RTTN: variants seen among roughly 807,000 people sequenced by gnomAD.
RTTN encodes the protein rotatin.
Under a neutral mutation model 269.2 loss-of-function variants are expected in RTTN, and 182 were observed. The ratio of observed to expected loss-of-function variants is 0.68; its 90% CI spans 0.60 to 0.76. The LOEUF is 0.76. Among genes scored for constraint, RTTN ranks in the 30% least tolerant of loss-of-function variants. The pLI is 0.00. For missense variants in RTTN, 2,545 were observed against 2,608.6 expected (o/e 0.98, Z 0.53); for synonymous variants, 1,006 against 963.5 (o/e 1.04, Z -0.82).
intron 44 of RTTN, 76 bp from the exon 45 acceptor site, chr18:70,020,893 A>C: frequency 8.2e-7 from 1 of 1,214,516 alleles, no homozygotes; most frequent in Non-Finnish European, 1.2e-6. Context: ...GTGGCAAAGC[A>C]TATCTGTCTA....
At chr18:70,073,566 G>C (rs1327152922) in intron 34 of RTTN, among the ~76,000 whole-genome samples, 3 of 152,134 alleles carry the variant, frequency 2.0e-5, no homozygotes, top group Non-Finnish European at 2.9e-5. Context: ...AGGTAGGAAA[G>C]AGAGGTTGAA....
chr18:70,163,796 G>A (rs141706701), intron 14 of RTTN, among the ~76,000 whole-genome samples: 142 of 152,254 alleles, frequency 9.3e-4, no homozygotes, highest in Non-Finnish European at 1.7e-3. Context: ...TTCGGCACTC[G>A]AAAAGTGTCA....
rs1438548524 is a variant in RTTN, at chr18:70,139,672, C to A, written c.2715G>T (p.Lys905Asn). The change falls in exon 21 of 49, where the codon AAG (lysine) becomes AAT (asparagine). Residue 905 changes from lysine to asparagine, a missense_variant. Physicochemically the swap from Lys to Asn is moderately conservative, Grantham distance 94 (BLOSUM62 0). Transcript: ENST00000640769. ...GCATGACTGGATCACCACATAAAACCTTCCTCAAGAGTGTGAGGCATGGTT... is the reference window on the plus strand; with the variant it reads ...GCATGACTGGATCACCACATAAAACATTCCTCAAGAGTGTGAGGCATGGTT... ...LVQPCLTLLR[K>N]VLCGDPVMRV... 1 of 1,613,320 alleles carries A rather than the reference C, an allele frequency of 6.2e-7. No individual in the cohort carries two copies. Among genetic ancestry groups the A allele is most frequent in the African/African-American group, 1.3e-5 (1 of 74,888 alleles).
At chr18:70,006,209 T>C (rs2056180752) in intron 47 of RTTN, 172 bp downstream of exon 47, 1 of 523,164 alleles carries the variant, frequency 1.9e-6, no homozygotes, top group South Asian at 3.4e-5. Flanking sequence ...TAAAAAGATT[T>C]CAACTGATGG....
chr18:70,012,935 G>C (rs1002351318), intron 46 of RTTN, among the ~76,000 whole-genome samples: 7 of 152,060 alleles, frequency 4.6e-5, no homozygotes, highest in African/African-American at 7.2e-5. Context: ...TTATTTTAAG[G>C]GATTTTAAAT....
intron 11 of RTTN, among the ~76,000 whole-genome samples, chr18:70,176,184 C>CGTAGATGTAGAT (rs149336764): frequency 5.5e-5 from 8 of 145,530 alleles, no homozygotes; most frequent in African/African-American, 1.8e-4. Flanking sequence ...TATATGTATA[C>CGTAGATGTAGAT]GTAGATGTAG....
chr18:70,175,506 G>T lies in RTTN; in HGVS notation c.1476+1169C>A, dbSNP rs374856542. ...ACTAGATGAATCAAATAAAAATCAG[G>T]ATATTTAATCCTACCAAAGATGACT... On this transcript the variant is annotated intron_variant, in intron 11 of 48. Coordinates refer to ENST00000640769, the MANE Select transcript of RTTN (RefSeq NM_173630.4). 6.6e-5 allele frequency among the ~76,000 whole-genome samples: 10 copies of T among 151,990 alleles called. No individual in the cohort carries two copies. The South Asian group carries it at 1.2e-3, about 19-fold the overall frequency.
At chr18:70,179,025 A>C (rs2061362971) in intron 10 of RTTN, among the ~76,000 whole-genome samples, 1 of 152,214 alleles carries the variant, frequency 6.6e-6, no homozygotes. Context: ...TCCAAGAAAC[A>C]CTGACAAAAA....
rs746877368 is a variant in RTTN, at chr18:70,205,205, G to A, written c.142C>T (p.His48Tyr). 3.7e-6 allele frequency: 6 copies of A among 1,614,208 alleles called. No individual in the cohort carries two copies. Among genetic ancestry groups the A allele is most frequent in the South Asian group, 3.3e-5 (3 of 91,086 alleles). The change falls in exon 2 of 49, where the codon CAT becomes TAT. Residue 48 changes from histidine to tyrosine, a missense_variant. Coordinates refer to ENST00000640769, the MANE Select transcript of RTTN (RefSeq NM_173630.4). ...DLIQERQLFL[H>Y]LLEWFNFPSV... ...GGGAAATTGAACCATTCCAGCAAAT[G>A]AAGAAAAAGTTGCCTCTCCTGAATG...
chr18:70,076,764 G>A (rs1269815095), intron 32 of RTTN, among the ~76,000 whole-genome samples: 1 of 151,974 alleles, frequency 6.6e-6, no homozygotes, highest in Non-Finnish European at 1.5e-5. Context: ...CAGAGGTCTA[G>A]AAGAATCAGG....
At chr18:70,104,317 G>C (rs917785034) in intron 28 of RTTN, among the ~76,000 whole-genome samples, 5 of 152,222 alleles carry the variant, frequency 3.3e-5, no homozygotes, top group Non-Finnish European at 7.4e-5. Context: ...TGTAGTTCTT[G>C]TGCCATGATT....
chr18:70,012,752 G>A (rs1463285537), intron 46 of RTTN, among the ~76,000 whole-genome samples: 1 of 152,154 alleles, frequency 6.6e-6, no homozygotes, highest in Non-Finnish European at 1.5e-5. Flanking sequence ...CTGCTCACTG[G>A]TATTAGTTAC....
intron 40 of RTTN, among the ~76,000 whole-genome samples, chr18:70,044,845 C>T (rs542352875): frequency 6.6e-6 from 1 of 152,254 alleles, no homozygotes; most frequent in South Asian, 2.1e-4. Flanking sequence ...CATCATACTA[C>T]TCAGAATGGC....
At chr18:70,101,004 C>T (rs796782372) in intron 28 of RTTN, among the ~76,000 whole-genome samples, 2 of 152,124 alleles carry the variant, frequency 1.3e-5, no homozygotes, top group Admixed American at 6.5e-5. Context: ...GATTTTTGCA[C>T]TGATGTTCAT....
At chr18:70,040,692 G>A (rs2144712597) in intron 40 of RTTN, among the ~76,000 whole-genome samples, 1 of 152,256 alleles carries the variant, frequency 6.6e-6, no homozygotes, top group African/African-American at 2.4e-5. Flanking sequence ...CTCAGCATAT[G>A]GATCATTCTG....
chr18:70,082,311 C>T (rs2058590196), intron 32 of RTTN, among the ~76,000 whole-genome samples: 1 of 152,088 alleles, frequency 6.6e-6, no homozygotes, highest in Non-Finnish European at 1.5e-5. Flanking sequence ...AACAATGTTT[C>T]CTGGGTACAT....
intron 9 of RTTN, 140 bp from the exon 10 acceptor site, chr18:70,188,363 G>C (rs1320190918): frequency 3.4e-6 from 2 of 586,022 alleles, no homozygotes; most frequent in Admixed American, 6.4e-5. Flanking sequence ...TAGAACTGTA[G>C]AGAAATCACA....
In RTTN at chr18:70,145,783, C is replaced by G; in HGVS notation, c.2310G>C (p.Ser770=). 2 of 1,599,202 alleles carry G rather than the reference C, an allele frequency of 1.3e-6. No homozygotes were observed. ...AAAGCTTTAATGCTAGCGAACGGAC[C>G]CTGAGAACACAAAGTACTTAAGTCG... ...MLRLLLVKKP[S]VRSLALKLLA... The change falls in exon 18 of 49, where the codon TCG becomes TCC. Residue 770 remains serine, a splice_region_variant and synonymous_variant. Coordinates refer to ENST00000640769, the MANE Select transcript of RTTN (RefSeq NM_173630.4).
At chr18:70,023,327 CT>C (rs1223870182) in intron 44 of RTTN, among the ~76,000 whole-genome samples, 3 of 152,186 alleles carry the variant, frequency 2.0e-5, no homozygotes, top group Non-Finnish European at 4.4e-5. Context: ...AGAGTAATTT[CT>C]TTTGTAGCAA....
Sources: gnomAD v4.1 joint callset for allele counts (sites outside exome capture counted in the v4.1 genomes callset) on GRCh38, gnomAD v4.1.1 for gene constraint, MANE v1.5 for transcripts, NCBI Gene and HGNC (gene_info 2026-07-23, HGNC 2026-07-21) for gene names.